The following NBEAL1 variants were observed in gnomAD, a reference collection of about 807,000 sequenced individuals.
The protein encoded by NBEAL1 is neurobeachin-like protein 1.
Under a neutral mutation model 351.3 loss-of-function variants are expected in NBEAL1, and 273 were observed. That is an observed-to-expected ratio of 0.78 (90% CI 0.70 to 0.86). The LOEUF (loss-of-function observed/expected upper bound fraction) is 0.86. Ranked by LOEUF, NBEAL1 falls within the 40% of genes least tolerant of loss-of-function variation. NBEAL1 has a pLI of 0.00. For missense variants in NBEAL1, 2,961 were observed against 3,201.3 expected, an observed-to-expected ratio of 0.92 and a Z score of 1.81; for synonymous variants, 1,050 against 1,086.4, an observed-to-expected ratio of 0.97 and a Z score of 0.66.
At chr2:203,111,432 G>A (rs2106242992) in intron 15 of NBEAL1, among the ~76,000 whole-genome samples, 1 of 151,886 alleles carries the variant, frequency 6.6e-6, no homozygotes, top group East Asian at 1.9e-4. Flanking sequence ...AGTCAGTGGC[G>A]CCATCTCAGC....
chr2:203,208,760 T>C lies in NBEAL1; in HGVS notation c.7623+7T>C, dbSNP rs766440547. 6.4e-7 allele frequency: 1 copy of C among 1,559,420 alleles called. No individual in the cohort carries two copies. On this transcript the variant is annotated splice_region_variant and intron_variant, in intron 52 of 55. Coordinates refer to ENST00000683969, the MANE Select transcript of NBEAL1 (RefSeq NM_001378026.1). ...GGCAGTGTCAGGATCAAGGGTAAGA[T>C]TTCACCTTTAAGAAATACTATTTAT...
At chr2:203,199,561 T>C in intron 49 of NBEAL1, 114 bp downstream of exon 49, 1 of 580,398 alleles carries the variant, frequency 1.7e-6, no homozygotes, top group Non-Finnish European at 3.0e-6. Context: ...TTTTTTTTTT[T>C]TGAGACAGAG....
chr2:203,023,184 T>C (rs2060796557), intron 2 of NBEAL1, among the ~76,000 whole-genome samples: 1 of 152,228 alleles, frequency 6.6e-6, no homozygotes, highest in South Asian at 2.1e-4. Flanking sequence ...AATAAGTTTT[T>C]AGTAAGATGG....
chr2:203,058,587 C>T (rs1316219338), intron 6 of NBEAL1, among the ~76,000 whole-genome samples: 3 of 152,180 alleles, frequency 2.0e-5, no homozygotes, highest in Non-Finnish European at 4.4e-5. Flanking sequence ...TCAAGAGGCT[C>T]ATTCTGGGAT....
intron 52 of NBEAL1, 98 bp from the exon 53 acceptor site, chr2:203,209,063 C>A: frequency 1.0e-6 from 1 of 965,988 alleles, no homozygotes; most frequent in Non-Finnish European, 1.5e-6. Flanking sequence ...TTTCTTGGTT[C>A]CTTTCCCACA....
intron 39 of NBEAL1, among the ~76,000 whole-genome samples, chr2:203,170,722 G>GA (rs1222177852): frequency 6.6e-6 from 1 of 152,048 alleles, no homozygotes; most frequent in African/African-American, 2.4e-5. Context: ...TATTGCCAGT[G>GA]AAAAAAGTTT....
chr2:203,028,405 C>G (rs978615032), intron 2 of NBEAL1, among the ~76,000 whole-genome samples: 1 of 151,822 alleles, frequency 6.6e-6, no homozygotes, highest in Non-Finnish European at 1.5e-5. Flanking sequence ...AGATATATAA[C>G]TTAATTGTAG....
intron 41 of NBEAL1, among the ~76,000 whole-genome samples, chr2:203,174,270 A>G (rs980811120): frequency 6.6e-6 from 1 of 150,958 alleles, no homozygotes; most frequent in Non-Finnish European, 1.5e-5. Flanking sequence ...AAGTGTCTAA[A>G]AAGTAAAGAA....
chr2:203,114,767 T>G (rs909209541), intron 17 of NBEAL1, among the ~76,000 whole-genome samples: 2 of 152,180 alleles, frequency 1.3e-5, no homozygotes, highest in Admixed American at 6.5e-5. Flanking sequence ...TTGTTTGTTT[T>G]TTTGAGACAG....
In NBEAL1 at chr2:203,130,492, A is replaced by G. The variant is rs1375133359; in HGVS notation, c.3564+16A>G. On this transcript the variant is annotated intron_variant, in intron 25 of 55. Transcript: ENST00000683969. ...CATTTTTAAGGTACAAACATTTCTTAAACATCTTTGTATTTTGAGGCGTTT... is the reference window on the plus strand; with the variant it reads ...CATTTTTAAGGTACAAACATTTCTTGAACATCTTTGTATTTTGAGGCGTTT... The G allele has an allele frequency of 7.2e-7, 1 of 1,390,826 alleles. No individual in the cohort carries two copies. The allele number at this position is 1,390,826 out of a possible 1,614,324, so 86.2% of individuals were successfully genotyped here. A position where few individuals can be genotyped will look rare whatever the true frequency, so the allele number is the denominator to read the frequency against.
chr2:203,211,372 CA>C (rs1229865762), intron 54 of NBEAL1, among the ~76,000 whole-genome samples: 12 of 151,996 alleles, frequency 7.9e-5, no homozygotes, highest in Admixed American at 2.6e-4. Flanking sequence ...TGGACATAGT[CA>C]CTCCTGCCTG....
intron 35 of NBEAL1, among the ~76,000 whole-genome samples, chr2:203,155,919 A>G (rs561023091): frequency 8.5e-5 from 13 of 152,276 alleles, no homozygotes; most frequent in Admixed American, 5.2e-4. Context: ...TCTCATGGCT[A>G]ACCCACCATA....
intron 6 of NBEAL1, 47 bp from the exon 7 acceptor site, chr2:203,068,346 C>T (rs1049001719): frequency 7.7e-6 from 7 of 904,662 alleles, no homozygotes; most frequent in East Asian, 2.8e-5. Flanking sequence ...TGTGCCGTGT[C>T]TGCTTGCCCA....
chr2:203,041,914 A>G, intron 3 of NBEAL1, 58 bp downstream of exon 3: 1 of 1,103,786 alleles, frequency 9.1e-7, no homozygotes, highest in Non-Finnish European at 1.3e-6. Flanking sequence ...TGGCACAAAG[A>G]TTTCATTGAT....
chr2:203,063,096 G>T (rs2061525708), intron 6 of NBEAL1, among the ~76,000 whole-genome samples: 1 of 152,012 alleles, frequency 6.6e-6, no homozygotes, highest in South Asian at 2.1e-4. Context: ...TTGTAGATTT[G>T]ATTAATCTGT....
chr2:203,110,719 A>ATG (rs2062550321), intron 15 of NBEAL1, among the ~76,000 whole-genome samples: 1 of 148,768 alleles, frequency 6.7e-6, no homozygotes, highest in Non-Finnish European at 1.5e-5. Flanking sequence ...ATAAATATAT[A>ATG]GAACGTTAGG....
Position 203,144,723 on chromosome 2 carries a change from C to T in NBEAL1, c.4972C>T (p.Gln1658Ter). Residue 1658 changes from glutamine (Q) to a stop codon, truncating the protein, a stop_gained, in exon 32 of 56, where the codon CAG (glutamine) becomes TAG (stop). Coordinates refer to ENST00000683969, the MANE Select transcript of NBEAL1 (RefSeq NM_001378026.1). LOFTEE classifies it high-confidence loss of function. ...TGTTCTAAGTCAATCAATCAAGGAA[C>T]AGACTGAAATCTACTCATTTCTGAT... Reference protein sequence around the residue: ...EHVLSQSIKEQTEIYSFLIPL... With the variant: ...EHVLSQSIKE 6.2e-7 allele frequency: 1 copy of T among 1,614,140 alleles called. No individual in the cohort carries two copies. The highest frequency in any genetic ancestry group is 8.5e-7 in the Non-Finnish European group (1 of 1,180,008).
At chr2:203,026,792 C>A (rs1009778682) in intron 2 of NBEAL1, among the ~76,000 whole-genome samples, 1 of 152,168 alleles carries the variant, frequency 6.6e-6, no homozygotes, top group African/African-American at 2.4e-5. Context: ...GGATTACAGG[C>A]GTGAGCCACA....
intron 42 of NBEAL1, among the ~76,000 whole-genome samples, chr2:203,176,903 A>C (rs1364495893): frequency 6.6e-6 from 1 of 151,038 alleles, no homozygotes. Flanking sequence ...TTAATCCCCA[A>C]CACTTTGGGA....
Sources: gnomAD v4.1 joint callset for allele counts (sites outside exome capture counted in the v4.1 genomes callset) on GRCh38, gnomAD v4.1.1 for gene constraint, MANE v1.5 for transcripts, NCBI Gene and HGNC (gene_info 2026-07-23, HGNC 2026-07-21) for gene names.